CLMP: variants seen among roughly 807,000 people sequenced by gnomAD.
CLMP encodes the protein CXADR-like membrane protein.
Under a neutral mutation model 45.2 loss-of-function variants are expected in CLMP, and 27 were observed. The observed-to-expected ratio is 0.60, with a 90% CI of 0.44 to 0.82. The LOEUF (loss-of-function observed/expected upper bound fraction) is 0.82. CLMP is among the 40% of genes least tolerant of loss of function. CLMP has a pLI of 0.00. For synonymous variants in CLMP, 167 were observed against 171.4 expected, an observed-to-expected ratio of 0.97 and a Z score of 0.20; for missense variants, 403 against 448.4, an observed-to-expected ratio of 0.90 and a Z score of 0.91.
intron 1 of CLMP, among the ~76,000 whole-genome samples, chr11:123,118,973 CTT>C (rs1565387788): frequency 1.7e-4 from 8 of 47,802 alleles, no homozygotes; most frequent in African/African-American, 2.8e-4. Flanking sequence ...TTCTTTCTTT[CTT>C]TCTTTCTTTC....
At chr11:123,094,951 T>G (rs956984194) in intron 2 of CLMP, among the ~76,000 whole-genome samples, 1 of 152,140 alleles carries the variant, frequency 6.6e-6, no homozygotes, top group African/African-American at 2.4e-5. Context: ...TAAAAAATTA[T>G]TAAATGTCTT....
At chr11:123,136,035 T>C (rs1335821488) in intron 1 of CLMP, 6 of 586,810 alleles carry the variant, frequency 1.0e-5, no homozygotes, top group Non-Finnish European at 2.0e-5. Flanking sequence ...TGCTGCTTTG[T>C]TCGCTCGTTT....
intron 2 of CLMP, among the ~76,000 whole-genome samples, chr11:123,086,596 T>C (rs1273701249): frequency 6.6e-6 from 1 of 152,244 alleles, no homozygotes; most frequent in Non-Finnish European, 1.5e-5. Flanking sequence ...AAAACTCACA[T>C]ATTATTTTGC....
At chr11:123,081,176 ACC>A (rs1420937703) in intron 5 of CLMP, among the ~76,000 whole-genome samples, 2 of 150,682 alleles carry the variant, frequency 1.3e-5, no homozygotes, top group East Asian at 2.0e-4. Flanking sequence ...ACAAAAAAAA[ACC>A]AACAACAAAA....
intron 1 of CLMP, among the ~76,000 whole-genome samples, chr11:123,154,853 G>T (rs1277928234): frequency 6.6e-6 from 1 of 152,156 alleles, no homozygotes; most frequent in Non-Finnish European, 1.5e-5. Flanking sequence ...GAATATAATG[G>T]GAAATGAAAT....
chr11:123,173,632 A>G (rs781119615), intron 1 of CLMP, among the ~76,000 whole-genome samples: 11 of 152,216 alleles, frequency 7.2e-5, no homozygotes, highest in Non-Finnish European at 1.2e-4. Context: ...CTTAACCTCT[A>G]AGAGCCTCAT....
chr11:123,138,603 C>CCCCCGT (rs1431578711), intron 1 of CLMP, among the ~76,000 whole-genome samples: 1 of 123,834 alleles, frequency 8.1e-6, no homozygotes, highest in East Asian at 3.2e-4. Context: ...CTGCCCCCCA[C>CCCCCGT]CCCCCTCCCC....
At chr11:123,076,845 A>G (rs1262671242) in intron 5 of CLMP, among the ~76,000 whole-genome samples, 1 of 152,204 alleles carries the variant, frequency 6.6e-6, no homozygotes, top group Non-Finnish European at 1.5e-5. Flanking sequence ...TAGGAAAGAA[A>G]GCAGGGACAT....
At chr11:123,134,223 GCAC>G (rs1861034685) in intron 1 of CLMP, among the ~76,000 whole-genome samples, 1 of 151,202 alleles carries the variant, frequency 6.6e-6, no homozygotes, top group Non-Finnish European at 1.5e-5. Flanking sequence ...TCTCGCCACT[GCAC>G]TCCAGCCTGG....
chr11:123,150,416 TAAGAAAGAAAGAAAGA>T (rs1166159977), intron 1 of CLMP, among the ~76,000 whole-genome samples: 69 of 30,926 alleles, frequency 2.2e-3, no homozygotes, highest in Non-Finnish European at 2.1e-3. Flanking sequence ...GGAAGGAAGG[TAAGAAAGAAAGAAAGA>T]AAGAAAGAAA....
intron 2 of CLMP, among the ~76,000 whole-genome samples, chr11:123,087,540 C>T (rs904191090): frequency 2.0e-5 from 3 of 150,376 alleles, no homozygotes; most frequent in Non-Finnish European, 3.0e-5. Flanking sequence ...TAAATATTTG[C>T]GGCTCGGTGC....
chr11:123,184,565 T>C (rs758669956), intron 1 of CLMP, among the ~76,000 whole-genome samples: 2 of 152,104 alleles, frequency 1.3e-5, no homozygotes, highest in Non-Finnish European at 2.9e-5. Context: ...TTAAACTCCA[T>C]GCACCACGGA....
intron 2 of CLMP, among the ~76,000 whole-genome samples, chr11:123,097,381 A>G (rs1280450650): frequency 6.6e-6 from 1 of 151,764 alleles, no homozygotes; most frequent in African/African-American, 2.4e-5. Flanking sequence ...TGTGTCACCC[A>G]GGCTGGAGTG....
chr11:123,115,764 T>A (rs11607994), intron 1 of CLMP, among the ~76,000 whole-genome samples: 1 of 152,024 alleles, frequency 6.6e-6, no homozygotes, highest in Non-Finnish European at 1.5e-5. Context: ...ATGATGGCTG[T>A]GTTCTTCTGT....
chr11:123,144,636 C>T (rs373918036), intron 1 of CLMP, among the ~76,000 whole-genome samples: 15 of 152,316 alleles, frequency 9.8e-5, no homozygotes, highest in African/African-American at 3.6e-4. Context: ...TCCCAAAGTG[C>T]TGGGATTACA....
intron 2 of CLMP, among the ~76,000 whole-genome samples, chr11:123,090,968 A>G (rs1283944104): frequency 1.3e-5 from 2 of 152,196 alleles, no homozygotes. Flanking sequence ...TTTTGTTTCA[A>G]CTAGAAGGTC....
intron 1 of CLMP, among the ~76,000 whole-genome samples, chr11:123,132,703 C>G (rs1191001743): frequency 6.6e-6 from 1 of 152,120 alleles, no homozygotes; most frequent in African/African-American, 2.4e-5. Flanking sequence ...AAGTGATTCA[C>G]CCACCTCAGC....
At chr11:123,136,560 A>ATT (rs34074982) in intron 1 of CLMP, among the ~76,000 whole-genome samples, 1,352 of 85,836 alleles carry the variant, frequency 0.016, 14 homozygotes, top group East Asian at 0.026. Context: ...CTTTTAAGTA[A>ATT]TTTTTTTTTT....
intron 5 of CLMP, among the ~76,000 whole-genome samples, chr11:123,079,036 C>T (rs2135464559): frequency 6.6e-6 from 1 of 152,250 alleles, no homozygotes; most frequent in African/African-American, 2.4e-5. Flanking sequence ...GCTTGGCCTC[C>T]CAGAGTGCTG....
Sources: allele counts gnomAD v4.1 joint callset (sites outside exome capture counted in the v4.1 genomes callset), GRCh38; gene constraint gnomAD v4.1.1; transcripts MANE v1.5; gene names NCBI Gene and HGNC (gene_info 2026-07-23, HGNC 2026-07-21).